The following CNGA1 variants were observed in gnomAD, a reference collection of about 807,000 sequenced individuals.
The protein encoded by CNGA1 is cyclic nucleotide-gated channel alpha-1.
A neutral mutation model predicts 69.7 loss-of-function variants in CNGA1; 53 were observed. The ratio of observed to expected loss-of-function variants is 0.76; its 90% CI spans 0.61 to 0.96. The LOEUF (loss-of-function observed/expected upper bound fraction) is 0.96, where lower values mean the gene tolerates loss of function less well. Ranked by LOEUF, CNGA1 falls within the 40% of genes least tolerant of loss-of-function variation. The pLI, the probability that CNGA1 is intolerant of heterozygous loss-of-function variation, is 0.00. For missense variants in CNGA1, 739 were observed against 811.2 expected (o/e 0.91, Z 1.08); for synonymous variants, 249 against 283.5 (o/e 0.88, Z 1.22).
chr4:47,957,162 C>G (rs1384080158), intron 3 of CNGA1, among the ~76,000 whole-genome samples: 1 of 152,084 alleles, frequency 6.6e-6, no homozygotes, highest in Non-Finnish European at 1.5e-5. Flanking sequence ...TCTCGAACTC[C>G]TGACCTTAGG....
chr4:48,014,008 A>G (rs1715274056), intron 1 of CNGA1, among the ~76,000 whole-genome samples: 2 of 152,146 alleles, frequency 1.3e-5, no homozygotes, highest in Admixed American at 1.3e-4. Flanking sequence ...AGGCTCTACT[A>G]ATCATTATTT....
intron 6 of CNGA1, among the ~76,000 whole-genome samples, chr4:47,944,346 T>G (rs966858195): frequency 7.2e-5 from 11 of 152,196 alleles, no homozygotes; most frequent in Non-Finnish European, 1.6e-4. Context: ...GAGGTGAGGC[T>G]TAACATCTAA....
intron 3 of CNGA1, among the ~76,000 whole-genome samples, chr4:47,960,101 CA>C (rs975664517): frequency 2.0e-5 from 3 of 151,882 alleles, no homozygotes; most frequent in Non-Finnish European, 4.4e-5. Context: ...AAAATATAAA[CA>C]AAAATCATCA....
chr4:47,954,348 G>C (rs974326721), intron 3 of CNGA1, among the ~76,000 whole-genome samples: 1 of 152,174 alleles, frequency 6.6e-6, no homozygotes, highest in African/African-American at 2.4e-5. Flanking sequence ...GAAAAGAATG[G>C]AGGTGGGGAG....
intron 3 of CNGA1, 53 bp from the exon 4 acceptor site, chr4:47,952,756 A>G: frequency 7.3e-7 from 1 of 1,369,800 alleles, no homozygotes; most frequent in Non-Finnish European, 9.8e-7. Flanking sequence ...ATATTTACAT[A>G]TATAATCAAA....
intron 3 of CNGA1, among the ~76,000 whole-genome samples, chr4:47,975,261 CA>C (rs1476505530): frequency 6.6e-6 from 1 of 152,160 alleles, no homozygotes; most frequent in Non-Finnish European, 1.5e-5. Context: ...ACAGAGCTGA[CA>C]AAACACTGTT....
chr4:47,953,168 A>G lies in CNGA1; in HGVS notation c.-14-465T>C, dbSNP rs984715107. 4.6e-5 allele frequency among the ~76,000 whole-genome samples: 7 copies of G among 152,192 alleles called. No individual in the cohort carries two copies. The East Asian group carries it at 1.3e-3, about 29-fold the overall frequency. On this transcript the variant is annotated intron_variant, in intron 3 of 10. Coordinates refer to ENST00000514170, the MANE Select transcript of CNGA1 (RefSeq NM_001379270.1). ...AACCCTACCATTTTTCTAAGACTAT[A>G]TAATACCATCTGTTTGCAGTTTTAC...
rs554686152 is a variant in CNGA1 at position 47,946,620 on chromosome 4, A to G, written c.288-3208T>C. Among the ~76,000 whole-genome samples, 9 of 152,346 alleles carry G rather than the reference A, an allele frequency of 5.9e-5. No individual in the cohort carries two copies. In the South Asian group the frequency reaches 1.9e-3, roughly 32 times the overall value. ...AGGATTACCTAACCATGGGACATAAAAAGAATGCCCATTATGAGATGGATT... is the reference window on the plus strand; with the variant it reads ...AGGATTACCTAACCATGGGACATAAGAAGAATGCCCATTATGAGATGGATT... On this transcript the variant is annotated intron_variant, in intron 6 of 10. Coordinates refer to ENST00000514170, the MANE Select transcript of CNGA1 (RefSeq NM_001379270.1).
intron 2 of CNGA1, among the ~76,000 whole-genome samples, chr4:47,984,548 G>T (rs1228962073): frequency 1.3e-5 from 2 of 151,564 alleles, no homozygotes; most frequent in South Asian, 4.2e-4. Context: ...AACCCAGGAG[G>T]CAGAGGTTGC....
chr4:47,984,257 C>T (rs890052383), intron 2 of CNGA1, among the ~76,000 whole-genome samples: 3 of 152,040 alleles, frequency 2.0e-5, no homozygotes, highest in African/African-American at 7.2e-5. Flanking sequence ...ACCTGTAAAC[C>T]CCTTAGCACT....
At chr4:47,972,057 C>T (rs183959111) in intron 3 of CNGA1, among the ~76,000 whole-genome samples, 1 of 152,292 alleles carries the variant, frequency 6.6e-6, no homozygotes, top group East Asian at 1.9e-4. Flanking sequence ...CTTCCATAAC[C>T]AATGTATAGT....
chr4:47,960,583 T>C lies in CNGA1; in HGVS notation c.-14-7880A>G, dbSNP rs549239872. Among the ~76,000 whole-genome samples, 31 of 152,264 alleles carry C rather than the reference T, an allele frequency of 2.0e-4. 1 individual carries two copies. Among genetic ancestry groups the C allele is most frequent in the African/African-American group, 7.0e-4 (29 of 41,546 alleles). ...CCAATCTTTTGCTTATCAAAACACATATGATGAAATGAAATAATATGTATA... is the reference window on the plus strand; with the variant it reads ...CCAATCTTTTGCTTATCAAAACACACATGATGAAATGAAATAATATGTATA... On this transcript the variant is annotated intron_variant, in intron 3 of 10. Coordinates refer to ENST00000514170, the MANE Select transcript of CNGA1 (RefSeq NM_001379270.1).
chr4:47,974,110 A>G (rs1261060921), intron 3 of CNGA1, among the ~76,000 whole-genome samples: 1 of 131,386 alleles, frequency 7.6e-6, no homozygotes, highest in Non-Finnish European at 1.7e-5. Flanking sequence ...ATAGATAGAT[A>G]GATAGATAGA....
At chr4:47,992,235 A>C (rs1353292348) in intron 2 of CNGA1, among the ~76,000 whole-genome samples, 1 of 152,050 alleles carries the variant, frequency 6.6e-6, no homozygotes, top group Non-Finnish European at 1.5e-5. Context: ...AATTGCATTA[A>C]ATTTGTAGCT....
chr4:48,006,504 A>G (rs1345654763), intron 2 of CNGA1, among the ~76,000 whole-genome samples: 1 of 152,102 alleles, frequency 6.6e-6, no homozygotes, highest in Non-Finnish European at 1.5e-5. Context: ...AAAACCAAAC[A>G]CCATTTCTTA....
At chr4:47,979,252 C>A (rs1171448224) in intron 3 of CNGA1, among the ~76,000 whole-genome samples, 1 of 142,944 alleles carries the variant, frequency 7.0e-6, no homozygotes, top group East Asian at 2.1e-4. Flanking sequence ...GCCCAAGAGG[C>A]GGAGGTTGCA....
At chr4:47,995,368 T>C (rs1475717560) in intron 2 of CNGA1, among the ~76,000 whole-genome samples, 1 of 152,182 alleles carries the variant, frequency 6.6e-6, no homozygotes, top group Non-Finnish European at 1.5e-5. Flanking sequence ...TTGTCTTTGT[T>C]GGATTGGATT....
At chr4:47,990,077 T>C (rs759569377) in intron 2 of CNGA1, among the ~76,000 whole-genome samples, 1 of 152,158 alleles carries the variant, frequency 6.6e-6, no homozygotes, top group South Asian at 2.1e-4. Flanking sequence ...GTAAAACATA[T>C]GTGTTTGAAC....
chr4:47,952,594 A>G lies in CNGA1; in HGVS notation c.96T>C (p.Asn32=), dbSNP rs1482820830. The part of the protein sequence containing the change: ...DIEKEIRRME[N]GACSSFSEDD... ...ATGTTTGGATTTACCTGCATGCTCC[A>G]TTTTCCATCCTTCGTATTTCCTTTT... The change falls in exon 4 of 11, where the codon AAT becomes AAC. Residue 32 remains asparagine (N), a synonymous_variant. Transcript: ENST00000514170. 1.9e-6 allele frequency: 3 copies of G among 1,612,386 alleles called. No individual in the cohort carries two copies. Among genetic ancestry groups the G allele is most frequent in the Admixed American group, 3.3e-5 (2 of 59,948 alleles).
Sources: allele counts gnomAD v4.1 joint callset (sites outside exome capture counted in the v4.1 genomes callset), GRCh38; gene constraint gnomAD v4.1.1; transcripts MANE v1.5; gene names NCBI Gene and HGNC (gene_info 2026-07-23, HGNC 2026-07-21).